The following RETREG2 variants were observed in gnomAD, a reference collection of about 807,000 sequenced individuals.
RETREG2 encodes the protein reticulophagy regulator 2.
A neutral mutation model predicts 51.6 loss-of-function variants in RETREG2; 21 were observed. The observed-to-expected ratio is 0.41, with a 90% CI of 0.29 to 0.59. RETREG2 has a LOEUF of 0.59. Ranked by LOEUF, RETREG2 falls within the 20% of genes least tolerant of loss-of-function variation. RETREG2 has a pLI of 0.34. For synonymous variants in RETREG2, 339 were observed against 288.6 expected (o/e 1.17, Z -1.77); for missense variants, 674 against 646.0 (o/e 1.04, Z -0.47).
chr2:219,182,672 T>A lies in RETREG2; in HGVS notation c.*43T>A. The A allele has an allele frequency of 6.3e-7, 1 of 1,595,060 alleles. No homozygotes were observed. The highest frequency in any genetic ancestry group is 8.6e-7 in the Non-Finnish European group (1 of 1,169,110). ...GAGCTGCAGGCACAGTAGGGCTTCC[T>A]GGCTAGGAGTGTTGCTGTTTCCTCC... On this transcript the variant is annotated 3_prime_UTR_variant, in exon 9 of 9. Coordinates refer to ENST00000430297, the MANE Select transcript of RETREG2 (RefSeq NM_024293.6).
Position 219,183,922 on chromosome 2 carries a change from G to C in RETREG2, c.*1293G>C, listed in dbSNP as rs1322578516. On this transcript the variant is annotated 3_prime_UTR_variant, in exon 9 of 9. Transcript: ENST00000430297. ...CCTTTACCTGTGTTAGAAATGAGTT[G>C]GAGCCAAGGAACACTGAAGAAATAG... 1 of 152,168 alleles carries C rather than the reference G, an allele frequency of 6.6e-6. No individual in the cohort carries two copies. The highest frequency in any genetic ancestry group is 6.5e-5 in the Admixed American group (1 of 15,278). The allele number at this position is 152,168 out of a possible 1,614,324, so 9.4% of individuals were successfully genotyped here.
At position 219,182,177 on chromosome 2, in the gene RETREG2, G is replaced by A; in HGVS notation, c.1180G>A (p.Ala394Thr). The change falls in exon 9 of 9, where the codon GCT (alanine) becomes ACT (threonine). Residue 394 changes from alanine (A) to threonine (T), a missense_variant. Physicochemically the swap from Ala to Thr is moderately conservative, Grantham distance 58. Coordinates refer to ENST00000430297, the MANE Select transcript of RETREG2 (RefSeq NM_024293.6). The part of the protein sequence containing the change: ...DSEEEEEDVA[A>T]KETLLRLSSP... ...GGAGGAAGAGGAAGAGGATGTGGCA[G>A]CTAAGGAAACCTTGTTGCGGCTCTC... 6.2e-7 allele frequency: 1 copy of A among 1,614,180 alleles called. No individual in the cohort carries two copies. Among genetic ancestry groups the A allele is most frequent in the Non-Finnish European group, 8.5e-7 (1 of 1,180,018 alleles).
At chr2:219,180,572 A>C in intron 4 of RETREG2, 98 bp from the exon 5 acceptor site, 1 of 1,596,700 alleles carries the variant, frequency 6.3e-7, no homozygotes, top group Non-Finnish European at 8.5e-7. Context: ...CCTTGAGTAC[A>C]TACCCATCCT....
chr2:219,181,323 C>T, intron 6 of RETREG2, 46 bp from the exon 7 acceptor site: 4 of 1,607,600 alleles, frequency 2.5e-6, no homozygotes, highest in Non-Finnish European at 3.4e-6. Context: ...GTCTCCCCTC[C>T]CATCATTCAT....
Position 219,183,013 on chromosome 2 carries a change from T to A in RETREG2, c.*384T>A. On this transcript the variant is annotated 3_prime_UTR_variant, in exon 9 of 9. Transcript: ENST00000430297. ...GGACCTGTGCTGCTCTGCCCTCATG[T>A]CCCACTTGGTTGTTTAGTTGAGGCA... is the stretch of plus-strand genomic sequence containing the variant. 4.2e-6 allele frequency: 1 copy of A among 235,298 alleles called. No individual in the cohort carries two copies. Among genetic ancestry groups the A allele is most frequent in the East Asian group, 9.0e-5 (1 of 11,080 alleles). The allele number at this position is 235,298 out of a possible 1,614,324, so 14.6% of individuals were successfully genotyped here. A position where few individuals can be genotyped will look rare whatever the true frequency, so the allele number is the denominator to read the frequency against.
rs917134211 is a variant in RETREG2, at chr2:219,181,414, C to T, written c.830C>T (p.Ala277Val). ...CCCCCAGGAGGTGATGAGCCACTGGCAGAGACAGAGAGTGAAAGCGAGGCA... is the reference window on the plus strand; with the variant it reads ...CCCCCAGGAGGTGATGAGCCACTGGTAGAGACAGAGAGTGAAAGCGAGGCA... Reference protein sequence around the residue: ...NAPPGGDEPLAETESESEAEL... With the variant: ...NAPPGGDEPLVETESESEAEL... Residue 277 changes from alanine to valine, a missense_variant, in exon 7 of 9, where the codon GCA (alanine) becomes GTA (valine). Transcript: ENST00000430297. 1 of 1,614,076 alleles carries T rather than the reference C, an allele frequency of 6.2e-7. No individual in the cohort carries two copies. Among genetic ancestry groups the T allele is most frequent in the Admixed American group, 1.7e-5 (1 of 60,004 alleles).
In RETREG2 at chr2:219,183,563, C is replaced by G. The variant is rs886736174; in HGVS notation, c.*934C>G. On this transcript the variant is annotated 3_prime_UTR_variant, in exon 9 of 9. Coordinates refer to ENST00000430297, the MANE Select transcript of RETREG2 (RefSeq NM_024293.6). ...ACTGTGTTCTCTCCTCACCCTTAAC[C>G]TGCTTCACTCCAGTCTGTTCTGGCT... 1.3e-5 allele frequency: 2 copies of G among 152,334 alleles called. No individual in the cohort carries two copies. The highest frequency in any genetic ancestry group is 6.5e-5 in the Admixed American group (1 of 15,276). 9.4% of individuals were successfully genotyped at this position (152,334 alleles called of 1,614,324 possible).
rs1950216541 is a variant in RETREG2, at chr2:219,178,310, G to A, written c.-43G>A. On this transcript the variant is annotated 5_prime_UTR_variant, in exon 1 of 9. Transcript: ENST00000430297. Reference sequence around the variant, plus strand: ...ACGCGCCCCCGGCGGCGGCCGCGCAGCCCTGGCTCCTCGCGGGCTCGGGCG... The same window carrying A: ...ACGCGCCCCCGGCGGCGGCCGCGCAACCCTGGCTCCTCGCGGGCTCGGGCG... 3 of 387,592 alleles carry A rather than the reference G, an allele frequency of 7.7e-6. No individual in the cohort carries two copies. Among genetic ancestry groups the A allele is most frequent in the Non-Finnish European group, 1.4e-5 (3 of 218,854 alleles). The allele number at this position is 387,592 out of a possible 1,614,324, so 24.0% of individuals were successfully genotyped here.
Position 219,180,650 on chromosome 2 carries a change from AC to A in RETREG2, c.556-19del. On this transcript the variant is annotated intron_variant, in intron 4 of 8. Coordinates refer to ENST00000430297, the MANE Select transcript of RETREG2 (RefSeq NM_024293.6). The stretch of plus-strand genomic sequence containing the variant: ...GCATATCTCAGCGTGATGTTCTTAG[AC>A]TTTTGCTCTTCTCTGCAGTTCTGCG... The A allele has an allele frequency of 1.2e-6, 2 of 1,614,018 alleles. No homozygotes were observed. The highest frequency in any genetic ancestry group is 1.7e-6 in the Non-Finnish European group (2 of 1,179,998).
Position 219,178,445 on chromosome 2 carries a change from C to A in RETREG2, c.93C>A (p.Gly31=). Residue 31 remains glycine (G), a synonymous_variant, in exon 1 of 9, where the codon GGC becomes GGA. Coordinates refer to ENST00000430297, the MANE Select transcript of RETREG2 (RefSeq NM_024293.6). The stretch of plus-strand genomic sequence containing the variant: ...GCCTGGGTCTGGGTCTGAGCCTAGG[C>A]ATGAGTGAGGCCACCAGTGAGGCAG... ...SLGLGLGLSL[G]MSEATSEAEE... 1.3e-6 allele frequency: 1 copy of A among 759,808 alleles called. No individual in the cohort carries two copies. The highest frequency in any genetic ancestry group is 2.0e-6 in the Non-Finnish European group (1 of 490,950). 47.1% of individuals were successfully genotyped at this position (759,808 alleles called of 1,614,324 possible).
At chr2:219,179,058 A>G (rs772134414) in intron 2 of RETREG2, 30 bp downstream of exon 2, 167 of 1,514,534 alleles carry the variant, frequency 1.1e-4, no homozygotes, top group Non-Finnish European at 1.4e-4. Flanking sequence ...GTAAGCACCC[A>G]TTGGGTACTT....
Position 219,182,875 on chromosome 2 carries a change from C to T in RETREG2, c.*246C>T, listed in dbSNP as rs1574787302. The T allele has an allele frequency of 1.1e-5, 6 of 543,010 alleles. No homozygotes were observed. In the East Asian group the frequency reaches 1.9e-4, roughly 17 times the overall value. 33.6% of individuals were successfully genotyped at this position (543,010 alleles called of 1,614,324 possible). A position where few individuals can be genotyped will look rare whatever the true frequency, so the allele number is the denominator to read the frequency against. On this transcript the variant is annotated 3_prime_UTR_variant, in exon 9 of 9. Transcript: ENST00000430297. ...TTTGGGTTAGTGGATGTGAACAGGG[C>T]TAGGGAAGTCCTTCCCACAGCCTGC...
Position 219,178,486 on chromosome 2 carries a change from C to A in RETREG2, c.134C>A (p.Thr45Lys). Residue 45 changes from threonine (T) to lysine (K), a missense_variant, in exon 1 of 9, where the codon ACG (threonine) becomes AAG (lysine). By Grantham distance (78) the Thr-to-Lys change is moderately conservative. Coordinates refer to ENST00000430297, the MANE Select transcript of RETREG2 (RefSeq NM_024293.6). ...AGTGAGGCAGAGGAGGAGGCGGCCACGGCCGAGGCGGTGGGACGCCTGGCC... is the reference window on the plus strand; with the variant it reads ...AGTGAGGCAGAGGAGGAGGCGGCCAAGGCCGAGGCGGTGGGACGCCTGGCC... ...ATSEAEEEAA[T>K]AEAVGRLATT... 1.6e-6 allele frequency: 2 copies of A among 1,236,660 alleles called. No homozygotes were observed. Among genetic ancestry groups the A allele is most frequent in the Non-Finnish European group, 1.1e-6 (1 of 926,614 alleles). 76.6% of individuals were successfully genotyped at this position (1,236,660 alleles called of 1,614,324 possible).
chr2:219,181,611 T>C (rs749837684), intron 7 of RETREG2, 29 bp from the exon 8 acceptor site: 4 of 1,612,272 alleles, frequency 2.5e-6, no homozygotes, highest in Non-Finnish European at 3.4e-6. Context: ...TCCCCTCACA[T>C]GTCGTGTTCA....
At position 219,183,225 on chromosome 2, in the gene RETREG2, C is replaced by G. The variant is rs779181535; in HGVS notation, c.*596C>G. On this transcript the variant is annotated 3_prime_UTR_variant, in exon 9 of 9. Transcript: ENST00000430297. The stretch of plus-strand genomic sequence containing the variant: ...GGGCAGTGGGTCAGGCCAGTAGTTA[C>G]ACTCTTAGGTCACTGTAGTCTGTGT... 6.3e-6 allele frequency: 1 copy of G among 158,536 alleles called. No individual in the cohort carries two copies. The highest frequency in any genetic ancestry group is 1.4e-5 in the Non-Finnish European group (1 of 71,114). 9.8% of individuals were successfully genotyped at this position (158,536 alleles called of 1,614,324 possible).
At position 219,182,585 on chromosome 2, in the gene RETREG2, C is replaced by G; in HGVS notation, c.1588C>G (p.Leu530Val). 6.2e-7 allele frequency: 1 copy of G among 1,614,210 alleles called. No individual in the cohort carries two copies. The highest frequency in any genetic ancestry group is 1.1e-5 in the South Asian group (1 of 91,090). ...APPLGPDIHS[L>V]VQSDQEAQAV... The stretch of plus-strand genomic sequence containing the variant: ...ACCCCTGGGGCCCGACATCCATTCT[C>G]TGGTACAGTCAGACCAAGAAGCTCA... Residue 530 changes from leucine to valine, a missense_variant, in exon 9 of 9, where the codon CTG becomes GTG. By Grantham distance (32) the Leu-to-Val change is conservative. Transcript: ENST00000430297.
chr2:219,180,846 A>G, intron 5 of RETREG2, 92 bp downstream of exon 5: 1 of 1,469,176 alleles, frequency 6.8e-7, no homozygotes, highest in Non-Finnish European at 9.5e-7. Flanking sequence ...CTCTCTGCTC[A>G]GTTTCTGATT....
At chr2:219,178,675 G>A in intron 1 of RETREG2, 42 bp downstream of exon 1, 1 of 1,423,196 alleles carries the variant, frequency 7.0e-7, no homozygotes, top group Non-Finnish European at 9.1e-7. Context: ...GATGAGCGGG[G>A]GAGGGAGGGG....
Position 219,182,884 on chromosome 2 carries a change from TCCTTCCC to T in RETREG2, c.*256_*262del. On this transcript the variant is annotated 3_prime_UTR_variant, in exon 9 of 9. Coordinates refer to ENST00000430297, the MANE Select transcript of RETREG2 (RefSeq NM_024293.6). ...GTGGATGTGAACAGGGCTAGGGAAG[TCCTTCCC>T]ACAGCCTGCGCTTGCCTCCCTGCCT... is the stretch of plus-strand genomic sequence containing the variant. 1.9e-6 allele frequency: 1 copy of T among 524,942 alleles called. No individual in the cohort carries two copies. Among genetic ancestry groups the T allele is most frequent in the Non-Finnish European group, 3.4e-6 (1 of 291,144 alleles). The allele number at this position is 524,942 out of a possible 1,614,324, so 32.5% of individuals were successfully genotyped here. A position where few individuals can be genotyped will look rare whatever the true frequency, so the allele number is the denominator to read the frequency against.
Sources: allele counts gnomAD v4.1 joint callset, GRCh38; gene constraint gnomAD v4.1.1; transcripts MANE v1.5; gene names NCBI Gene and HGNC (gene_info 2026-07-23, HGNC 2026-07-21).